NALF1: variants seen among roughly 807,000 people sequenced by gnomAD.
NALF1 encodes the protein NALCN channel auxiliary factor 1, also known as family with sequence similarity 155 member A.
A neutral mutation model predicts 48.4 loss-of-function variants in NALF1; 3 were observed. That is an observed-to-expected ratio of 0.06 (90% confidence interval 0.03 to 0.16). The LOEUF is 0.16. Ranked by LOEUF, NALF1 falls within the 10% of genes least tolerant of loss-of-function variation. The pLI is 1.00. For synonymous variants in NALF1, 262 were observed against 245.7 expected, an observed-to-expected ratio of 1.07 and a Z score of -0.62; for missense variants, 526 against 571.5, an observed-to-expected ratio of 0.92 and a Z score of 0.81.
chr13:107,241,778 T>C (rs1240610443), intron 1 of NALF1, among the ~76,000 whole-genome samples: 1 of 152,146 alleles, frequency 6.6e-6, no homozygotes, highest in African/African-American at 2.4e-5. Flanking sequence ...ACCTGCAAAG[T>C]GGGAATGCCT....
chr13:107,522,884 C>T (rs1486218265), intron 1 of NALF1, among the ~76,000 whole-genome samples: 1 of 152,064 alleles, frequency 6.6e-6, no homozygotes, highest in Non-Finnish European at 1.5e-5. Context: ...TCCCCAAGTT[C>T]TGGGATTACA....
chr13:107,842,380 C>G (rs1029119738), intron 1 of NALF1, among the ~76,000 whole-genome samples: 1 of 151,954 alleles, frequency 6.6e-6, no homozygotes, highest in Non-Finnish European at 1.5e-5. Flanking sequence ...TTAAGAACTC[C>G]TTCAGTAATG....
chr13:107,187,002 C>A (rs1879188478), intron 2 of NALF1, among the ~76,000 whole-genome samples: 1 of 152,164 alleles, frequency 6.6e-6, no homozygotes, highest in Admixed American at 6.5e-5. Context: ...AGGTCACCTG[C>A]ATTTCCTGGC....
At chr13:107,379,132 C>A (rs1196519762) in intron 1 of NALF1, among the ~76,000 whole-genome samples, 1 of 152,062 alleles carries the variant, frequency 6.6e-6, no homozygotes, top group Non-Finnish European at 1.5e-5. Context: ...CTTTATAGAC[C>A]ACCTTGCAAG....
chr13:107,227,389 A>G (rs1355902932), intron 1 of NALF1, among the ~76,000 whole-genome samples: 1 of 152,192 alleles, frequency 6.6e-6, no homozygotes, highest in South Asian at 2.1e-4. Flanking sequence ...TTTAAGACAC[A>G]AAGTGTGCAC....
chr13:107,234,526 C>T lies in NALF1; in HGVS notation c.916-23771G>A, dbSNP rs368690197. 8.5e-5 allele frequency among the ~76,000 whole-genome samples: 13 copies of T among 152,202 alleles called. 1 individual carries two copies. The highest frequency in any genetic ancestry group is 5.8e-4 in the East Asian group (3 of 5,156). On this transcript the variant is annotated intron_variant, in intron 1 of 2. Transcript: ENST00000375915. ...CAGCCCCGGCAGGGCTGCGAGGGTC[C>T]GCCCAGCACTGCCTGTCAGCCGGCC...
At position 107,304,654 on chromosome 13, in the gene NALF1, A is replaced by C. The variant is rs555322707; in HGVS notation, c.916-93899T>G. 2.0e-5 allele frequency among the ~76,000 whole-genome samples: 3 copies of C among 152,338 alleles called. No homozygotes were observed. The South Asian group carries it at 6.2e-4, about 32-fold the overall frequency. ...AAGTACGTGAATAATAATTACACTTAAGAGCAGGAGAAAAACATCCAATTA... is the reference window on the plus strand; with the variant it reads ...AAGTACGTGAATAATAATTACACTTCAGAGCAGGAGAAAAACATCCAATTA... On this transcript the variant is annotated intron_variant, in intron 1 of 2. Coordinates refer to ENST00000375915, the MANE Select transcript of NALF1 (RefSeq NM_001080396.3).
intron 1 of NALF1, among the ~76,000 whole-genome samples, chr13:107,217,298 T>A (rs4771558): frequency 1.6e-4 from 24 of 151,572 alleles, no homozygotes; most frequent in African/African-American, 5.6e-4. Context: ...GAAATGCCAC[T>A]GGGACTTGTT....
chr13:107,782,068 T>A, intron 1 of NALF1, among the ~76,000 whole-genome samples: 1 of 152,048 alleles, frequency 6.6e-6, no homozygotes, highest in East Asian at 1.9e-4. Context: ...ACGGTCTCCC[T>A]CTCCCTCTCT....
At chr13:107,830,768 A>G (rs1434570826) in intron 1 of NALF1, among the ~76,000 whole-genome samples, 3 of 152,208 alleles carry the variant, frequency 2.0e-5, no homozygotes, top group Non-Finnish European at 2.9e-5. Context: ...AGGGAGGTCA[A>G]AGAATGCGAT....
chr13:107,358,447 CA>C (rs1212419256), intron 1 of NALF1, among the ~76,000 whole-genome samples: 2 of 152,040 alleles, frequency 1.3e-5, no homozygotes, highest in African/African-American at 4.8e-5. Flanking sequence ...CAGACCCCAT[CA>C]AAATATATTT....
intron 1 of NALF1, among the ~76,000 whole-genome samples, chr13:107,740,534 T>C (rs1368326710): frequency 6.6e-6 from 1 of 152,242 alleles, no homozygotes; most frequent in Non-Finnish European, 1.5e-5. Flanking sequence ...TATTATTAGA[T>C]TATTCATCAC....
Position 107,747,651 on chromosome 13 carries a change from T to C in NALF1, c.915+118031A>G, listed in dbSNP as rs567280421. On this transcript the variant is annotated intron_variant, in intron 1 of 2. Transcript: ENST00000375915. Reference sequence around the variant, plus strand: ...TCTATGTGTATTACATCTTTCACTTTTGTTAGATATAGATAACTAAATTAT... The same window carrying C: ...TCTATGTGTATTACATCTTTCACTTCTGTTAGATATAGATAACTAAATTAT... 1.4e-4 allele frequency among the ~76,000 whole-genome samples: 22 copies of C among 152,326 alleles called. No individual in the cohort carries two copies. The East Asian group carries it at 4.1e-3, about 28-fold the overall frequency.
chr13:107,726,912 C>CG (rs1566459187), intron 1 of NALF1, among the ~76,000 whole-genome samples: 21 of 97,424 alleles, frequency 2.2e-4, no homozygotes, highest in East Asian at 1.7e-3. Context: ...CCGGCAAATT[C>CG]TTGTGTGTGT....
chr13:107,593,854 T>C (rs532366080), intron 1 of NALF1, among the ~76,000 whole-genome samples: 4 of 151,830 alleles, frequency 2.6e-5, no homozygotes, highest in Non-Finnish European at 5.9e-5. Context: ...CTTGTATTTG[T>C]TTAGAGATTG....
chr13:107,841,051 A>C (rs1024711964), intron 1 of NALF1, among the ~76,000 whole-genome samples: 3 of 152,158 alleles, frequency 2.0e-5, no homozygotes, highest in African/African-American at 7.2e-5. Context: ...CTTGAGGGGC[A>C]GGGGTCATCA....
At chr13:107,675,485 A>G (rs1283296338) in intron 1 of NALF1, among the ~76,000 whole-genome samples, 11 of 152,224 alleles carry the variant, frequency 7.2e-5, no homozygotes, top group Non-Finnish European at 1.6e-4. Context: ...ATGTTGCATT[A>G]TAACTTCTTT....
intron 1 of NALF1, among the ~76,000 whole-genome samples, chr13:107,706,573 G>A (rs1179407855): frequency 6.6e-6 from 1 of 152,028 alleles, no homozygotes; most frequent in African/African-American, 2.4e-5. Context: ...GGCATTAAAT[G>A]CAGTCTATTT....
intron 2 of NALF1, among the ~76,000 whole-genome samples, chr13:107,191,332 CAG>C (rs1382934409): frequency 1.3e-5 from 2 of 151,160 alleles, no homozygotes; most frequent in Admixed American, 6.6e-5. Flanking sequence ...TGAAAAATAA[CAG>C]AATTTAACAC....
Sources: allele counts gnomAD v4.1 joint callset (sites outside exome capture counted in the v4.1 genomes callset), GRCh38; gene constraint gnomAD v4.1.1; transcripts MANE v1.5; gene names NCBI Gene and HGNC (gene_info 2026-07-23, HGNC 2026-07-21).